The following CSH1 variants were observed in gnomAD, a reference collection of about 807,000 sequenced individuals.
CSH1 encodes the protein Chorionic somatomammotropin hormone 2.
CSH1 carries 17 observed loss-of-function variants against 19.4 expected under a neutral mutation model. The observed-to-expected ratio is 0.88, with a 90% CI of 0.60 to 1.31. The LOEUF (loss-of-function observed/expected upper bound fraction) is 1.31, where lower values mean the gene tolerates loss of function less well. CSH1 is among the 40% of genes most tolerant of loss of function. The pLI, the probability that CSH1 is intolerant of heterozygous loss-of-function variation, is 0.00. For synonymous variants in CSH1, 72 were observed against 104.6 expected (o/e 0.69, Z 1.90); for missense variants, 190 against 243.1 (o/e 0.78, Z 1.45).
rs1353887581 is a variant in CSH1, at chr17:63,894,918, T to C, written c.*104A>G. On this transcript the variant is annotated 3_prime_UTR_variant, in exon 5 of 5. Transcript: ENST00000316193. The stretch of plus-strand genomic sequence containing the variant: ...TAGAATGACACCTAGTCAGATGAAA[T>C]GATACAACTTAATTTTATTAGGACA... 433 of 1,586,660 alleles carry C rather than the reference T, an allele frequency of 2.7e-4. 3 individuals carry two copies. The African/African-American group carries it at 3.4e-3, about 13-fold the overall frequency.
Position 63,896,543 on chromosome 17 carries a change from A to G in CSH1, c.-32T>C. 1 of 1,613,346 alleles carries G rather than the reference A, an allele frequency of 6.2e-7. No individual in the cohort carries two copies. The highest frequency in any genetic ancestry group is 2.2e-5 in the East Asian group (1 of 44,874). Reference sequence around the variant, plus strand: ...TAGGTGAGCTGTCCACAGGACCCTGAGTGGTTCGGGGAGTTGGGCCTTGGG... The same window carrying G: ...TAGGTGAGCTGTCCACAGGACCCTGGGTGGTTCGGGGAGTTGGGCCTTGGG... On this transcript the variant is annotated 5_prime_UTR_variant, in exon 1 of 5. Transcript: ENST00000316193.
rs1442913583 is a variant in CSH1, at chr17:63,894,945, G to A, written c.*77C>T. The A allele has an allele frequency of 6.2e-7, 1 of 1,609,414 alleles. No individual in the cohort carries two copies. The highest frequency in any genetic ancestry group is 8.5e-7 in the Non-Finnish European group (1 of 1,176,722). ...ATACAACTTAATTTTATTAGGACAAGGCTGGTGGGCACTGGAGTGGCACCT... is the reference window on the plus strand; with the variant it reads ...ATACAACTTAATTTTATTAGGACAAAGCTGGTGGGCACTGGAGTGGCACCT... On this transcript the variant is annotated 3_prime_UTR_variant, in exon 5 of 5. Coordinates refer to ENST00000316193, the MANE Select transcript of CSH1 (RefSeq NM_001317.6).
rs1209671897 is a variant in CSH1, at chr17:63,895,717, C to A, written c.291+14G>T. On this transcript the variant is annotated intron_variant, in intron 3 of 4. Transcript: ENST00000316193. The stretch of plus-strand genomic sequence containing the variant: ...CTCCCCCATCCCCGCCTAGGGGAGA[C>A]GGCATCCACTCACGGATTTCTGTTG... The A allele has an allele frequency of 8.2e-6, 9 of 1,094,026 alleles. No homozygotes were observed. Among genetic ancestry groups the A allele is most frequent in the Non-Finnish European group, 1.1e-5 (9 of 808,306 alleles). The allele number at this position is 1,094,026 out of a possible 1,614,324, so 67.8% of individuals were successfully genotyped here.
chr17:63,895,404 G>C, intron 4 of CSH1, 69 bp downstream of exon 4: 1 of 1,612,966 alleles, frequency 6.2e-7, no homozygotes, highest in Non-Finnish European at 8.5e-7. Flanking sequence ...GAGGGCAGCA[G>C]TATTTCTCTC....
Position 63,896,080 on chromosome 17 carries a change from C to T in CSH1, c.166G>A (p.Glu56Lys). 1 of 1,049,870 alleles carries T rather than the reference C, an allele frequency of 9.5e-7. No homozygotes were observed. Among genetic ancestry groups the T allele is most frequent in the Non-Finnish European group, 1.3e-6 (1 of 788,486 alleles). 65.0% of individuals were successfully genotyped at this position (1,049,870 alleles called of 1,614,324 possible). A position where few individuals can be genotyped will look rare whatever the true frequency, so the allele number is the denominator to read the frequency against. Residue 56 changes from glutamate (E) to lysine (K), a missense_variant, in exon 2 of 5, where the codon GAG becomes AAG. Coordinates refer to ENST00000316193, the MANE Select transcript of CSH1 (RefSeq NM_001317.6). ...AHQLAIDTYQ[E>K]FEETYIPKDQ... ...CCCATTCCCCAAGAACTTACAAACT[C>T]CTGGTAGGTGTCAATGGCCAGCTGG...
Position 63,895,511 on chromosome 17 carries a change from G to A in CSH1, c.418C>T (p.Leu140=), listed in dbSNP as rs748492118. ...DTSDSDDYHL[L]KDLEEGIQTL... is the part of the protein sequence containing the mutation. ...TGGATGCCTTCCTCTAGGTCCTTTA[G>A]GAGGTGATAGTCATCGCTGTCCGAG... Residue 140 remains leucine (L), a synonymous_variant, in exon 4 of 5, where the codon CTA becomes TTA. Coordinates refer to ENST00000316193, the MANE Select transcript of CSH1 (RefSeq NM_001317.6). The A allele has an allele frequency of 2.1e-5, 34 of 1,611,428 alleles. No homozygotes were observed. The highest frequency in any genetic ancestry group is 2.2e-5 in the South Asian group (2 of 91,020).
In CSH1 at chr17:63,894,962, G is replaced by A; in HGVS notation, c.*60C>T. 3 of 1,612,370 alleles carry A rather than the reference G, an allele frequency of 1.9e-6. No homozygotes were observed. The highest frequency in any genetic ancestry group is 2.5e-6 in the Non-Finnish European group (3 of 1,179,186). ...TAGGACAAGGCTGGTGGGCACTGGAGTGGCACCTTCAGGGCCAGGAGAGGC... is the reference window on the plus strand; with the variant it reads ...TAGGACAAGGCTGGTGGGCACTGGAATGGCACCTTCAGGGCCAGGAGAGGC... On this transcript the variant is annotated 3_prime_UTR_variant, in exon 5 of 5. Transcript: ENST00000316193.
In CSH1 at chr17:63,896,571, C is replaced by A; in HGVS notation, c.-60G>T. The A allele has an allele frequency of 6.2e-7, 1 of 1,611,838 alleles. No homozygotes were observed. Among genetic ancestry groups the A allele is most frequent in the Non-Finnish European group, 8.5e-7 (1 of 1,178,994 alleles). On this transcript the variant is annotated 5_prime_UTR_variant, in exon 1 of 5. Coordinates refer to ENST00000316193, the MANE Select transcript of CSH1 (RefSeq NM_001317.6). ...GGTTCGGGGAGTTGGGCCTTGGGAT[C>A]CTAGAGCCGGTCTCTTGTGGGCCCT... is the stretch of plus-strand genomic sequence containing the variant.
Position 63,895,607 on chromosome 17 carries a change from G to A in CSH1, c.322C>T (p.Leu108Phe). The A allele has an allele frequency of 6.3e-7, 1 of 1,579,078 alleles. No homozygotes were observed. Among genetic ancestry groups the A allele is most frequent in the Non-Finnish European group, 8.6e-7 (1 of 1,166,892 alleles). ...NLELLRISLL[L>F]IESWLEPVRF... ...ACGGGCTCCAGCCACGACTCGATGA[G>A]CAGCAGGGAGATGCGGAGCAGCTCT... Residue 108 changes from leucine (L) to phenylalanine (F), a missense_variant, in exon 4 of 5, where the codon CTC becomes TTC. By Grantham distance (22) the Leu-to-Phe change is conservative. This residue lies in a region of CSH1 where 175 missense variants were observed against 187.2 expected (regional missense o/e 0.93). Transcript: ENST00000316193.
At chr17:63,895,299 C>G in intron 4 of CSH1, 80 bp from the exon 5 acceptor site, 1 of 1,612,802 alleles carries the variant, frequency 6.2e-7, no homozygotes, top group Non-Finnish European at 8.5e-7. Flanking sequence ...ATTTTCCTCC[C>G]TCCCCTTCAG....
rs1906107527 is a variant in CSH1 at position 63,895,853 on chromosome 17, A to G, written c.172-3T>C. The G allele has an allele frequency of 4.0e-6, 2 of 496,880 alleles. No homozygotes were observed. The highest frequency in any genetic ancestry group is 6.4e-6 in the Non-Finnish European group (2 of 314,058). The allele number at this position is 496,880 out of a possible 1,614,324, so 30.8% of individuals were successfully genotyped here. A position where few individuals can be genotyped will look rare whatever the true frequency, so the allele number is the denominator to read the frequency against. On this transcript the variant is annotated splice_region_variant and splice_polypyrimidine_tract_variant and intron_variant, in intron 2 of 4. Transcript: ENST00000316193. ...TCCTTTGGGATATAGGTTTCTTCCT[A>G]GGAGAAGGACCCCCCACCAAGAAGG...
At position 63,894,986 on chromosome 17, in the gene CSH1, G is replaced by A; in HGVS notation, c.*36C>T. ...AGTGGCACCTTCAGGGCCAGGAGAG[G>A]CACTGGGGAGGGGTCACAGGATGCT... is the stretch of plus-strand genomic sequence containing the variant. On this transcript the variant is annotated 3_prime_UTR_variant, in exon 5 of 5. Coordinates refer to ENST00000316193, the MANE Select transcript of CSH1 (RefSeq NM_001317.6). The A allele has an allele frequency of 2.5e-6, 4 of 1,612,888 alleles. No homozygotes were observed. The highest frequency in any genetic ancestry group is 3.4e-6 in the Non-Finnish European group (4 of 1,179,606).
At chr17:63,896,380 T>C in intron 1 of CSH1, 122 bp downstream of exon 1, 1 of 1,516,112 alleles carries the variant, frequency 6.6e-7, no homozygotes, top group East Asian at 2.3e-5. Context: ...TATCTGGCCT[T>C]AGATGGCGAT....
At position 63,895,028 on chromosome 17, in the gene CSH1, G is replaced by A. The variant is rs772541824; in HGVS notation, c.648C>T (p.Gly216=). The change falls in exon 5 of 5, where the codon GGC becomes GGT. Residue 216 remains glycine (G), a synonymous_variant. Transcript: ENST00000316193. ...VQCRSVEGSC[G]F is the part of the protein sequence containing the mutation. ...CAGGATGCTACTCGGGCACCTAGAA[G>A]CCACAGCTGCCCTCCACAGAGCGGC... The A allele has an allele frequency of 1.5e-5, 24 of 1,612,940 alleles. 1 individual carries two copies. Among genetic ancestry groups the A allele is most frequent in the Admixed American group, 6.7e-5 (4 of 59,908 alleles).
At chr17:63,895,260 G>A (rs771166128) in intron 4 of CSH1, 41 bp from the exon 5 acceptor site, 6 of 1,612,704 alleles carry the variant, frequency 3.7e-6, no homozygotes, top group Admixed American at 3.3e-5. Flanking sequence ...AAGCGCTTGG[G>A]CACTGTTCCC....
Position 63,895,623 on chromosome 17 carries a change from G to C in CSH1, c.306C>G (p.Leu102=). The C allele has an allele frequency of 6.4e-7, 1 of 1,561,588 alleles. No homozygotes were observed. The highest frequency in any genetic ancestry group is 1.1e-5 in the South Asian group (1 of 87,658). The change falls in exon 4 of 5, where the codon CTC becomes CTG. Residue 102 remains leucine, a synonymous_variant. Coordinates refer to ENST00000316193, the MANE Select transcript of CSH1 (RefSeq NM_001317.6). ...ACTCGATGAGCAGCAGGGAGATGCG[G>C]AGCAGCTCTAGATTCTGCAGGGGAA... The part of the protein sequence containing the change: ...ETQQKSNLEL[L]RISLLLIESW...
In CSH1 at chr17:63,896,249, G is replaced by A. The variant is rs375266439; in HGVS notation, c.11-14C>T. On this transcript the variant is annotated splice_polypyrimidine_tract_variant and intron_variant, in intron 1 of 4. Coordinates refer to ENST00000316193, the MANE Select transcript of CSH1 (RefSeq NM_001317.6). ...ACGTCCGGGAGCCTGGGGAGAAACC[G>A]GAGGGCAATGGAGGGAGCCGGAGAG... 6.1e-4 allele frequency: 906 copies of A among 1,487,754 alleles called. 7 individuals carry two copies. The highest frequency in any genetic ancestry group is 2.1e-3 in the African/African-American group (135 of 64,298). 92.2% of individuals were successfully genotyped at this position (1,487,754 alleles called of 1,614,324 possible). A position where few individuals can be genotyped will look rare whatever the true frequency, so the allele number is the denominator to read the frequency against.
chr17:63,895,159 C>T lies in CSH1; in HGVS notation c.517G>A (p.Asp173Asn). Residue 173 changes from aspartate (D) to asparagine (N), a missense_variant, in exon 5 of 5, where the codon GAC (aspartate) becomes AAC (asparagine). Coordinates refer to ENST00000316193, the MANE Select transcript of CSH1 (RefSeq NM_001317.6). ...GCGTCATGGTTGTGCGAGTTTGTGT[C>T]AAACTTGCTGTAGGTCTGCTTGAGG... ...QILKQTYSKFDTNSHNHDALL... is the reference protein window; with the variant it reads ...QILKQTYSKFNTNSHNHDALL... The T allele has an allele frequency of 6.2e-7, 1 of 1,612,864 alleles. No individual in the cohort carries two copies. Among genetic ancestry groups the T allele is most frequent in the East Asian group, 2.2e-5 (1 of 44,878 alleles).
chr17:63,895,472 C>T lies in CSH1; in HGVS notation c.456+1G>A, dbSNP rs1567785902. 1 of 1,612,650 alleles carries T rather than the reference C, an allele frequency of 6.2e-7. No homozygotes were observed. Among genetic ancestry groups the T allele is most frequent in the South Asian group, 1.1e-5 (1 of 91,064 alleles). On this transcript the variant is annotated splice_donor_variant, in intron 4 of 4. Coordinates refer to ENST00000316193, the MANE Select transcript of CSH1 (RefSeq NM_001317.6). LOFTEE classifies it high-confidence loss of function. ...TTGGTGACCCCTGGCGCCACCCTCA[C>T]CCCCATCAGCGTTTGGATGCCTTCC...
Sources: allele counts gnomAD v4.1 joint callset, GRCh38; gene constraint gnomAD v4.1.1; regional missense constraint gnomAD v4.1.1; transcripts MANE v1.5; gene names NCBI Gene and HGNC (gene_info 2026-07-23, HGNC 2026-07-21).